TRIM34: variants seen among roughly 807,000 people sequenced by gnomAD.
The protein encoded by TRIM34 is tripartite motif containing 34.
TRIM34 carries 41 observed loss-of-function variants against 38.1 expected under a neutral mutation model. The ratio of observed to expected loss-of-function variants is 1.08; its 90% CI spans 0.84 to 1.40. The LOEUF (loss-of-function observed/expected upper bound fraction) is 1.40. Ranked by LOEUF, TRIM34 falls within the 40% of genes most tolerant of loss-of-function variation. The pLI, the probability that TRIM34 is intolerant of heterozygous loss-of-function variation, is 0.00. For synonymous variants in TRIM34, 200 were observed against 202.5 expected (o/e 0.99, Z 0.10); for missense variants, 556 against 571.4 (o/e 0.97, Z 0.27).
chr11:5,635,526 G>T (rs528805784), intron 4 of TRIM34, among the ~76,000 whole-genome samples: 3 of 152,054 alleles, frequency 2.0e-5, no homozygotes, highest in Non-Finnish European at 4.4e-5. Context: ...AAAATGCTGG[G>T]ATTACAGGCC....
intron 1 of TRIM34, 61 bp downstream of exon 1, chr11:5,625,121 G>C (rs548512812): frequency 1.3e-5 from 2 of 152,330 alleles, no homozygotes; most frequent in African/African-American, 4.8e-5. Context: ...AGTTCTCAGT[G>C]AAGTTAGGGG....
At chr11:5,629,916 C>T (rs1464199588) in intron 1 of TRIM34, among the ~76,000 whole-genome samples, 1 of 152,110 alleles carries the variant, frequency 6.6e-6, no homozygotes, top group African/African-American at 2.4e-5. Flanking sequence ...CCTTGTTAGC[C>T]AGGATGGTCT....
At position 5,634,630 on chromosome 11, in the gene TRIM34, G is replaced by C. The variant is rs764366244; in HGVS notation, c.520-1G>C. 29 of 1,610,248 alleles carry C rather than the reference G, an allele frequency of 1.8e-5. No individual in the cohort carries two copies. The South Asian group carries it at 3.1e-4, about 17-fold the overall frequency. ...CAACTCTCTCTTGTCCATCCTTGCA[G>C]TATCAGGTACAAACTGAGAGACAAA... On this transcript the variant is annotated splice_acceptor_variant, in intron 3 of 7. Coordinates refer to ENST00000429814, the MANE Select transcript of TRIM34 (RefSeq NM_021616.6). LOFTEE classifies it high-confidence loss of function.
chr11:5,623,236 C>A (rs1471502415), upstream of TRIM34, among the ~76,000 whole-genome samples: 1 of 149,546 alleles, frequency 6.7e-6, no homozygotes, highest in East Asian at 2.0e-4. Flanking sequence ...CCGAGATTTT[C>A]TTCCCTTTTA....
chr11:5,632,355 C>T lies in TRIM34; in HGVS notation c.24C>T (p.Asn8=), dbSNP rs764510596. 8.1e-6 allele frequency: 13 copies of T among 1,613,920 alleles called. No homozygotes were observed. The highest frequency in any genetic ancestry group is 2.7e-5 in the African/African-American group (2 of 74,876). Residue 8 remains asparagine (N), a synonymous_variant, in exon 2 of 8, where the codon AAC becomes AAT. Coordinates refer to ENST00000429814, the MANE Select transcript of TRIM34 (RefSeq NM_021616.6). ...CAATGGCTTCAAAAATCTTGCTTAA[C>T]GTACAAGAGGAGGTGACCTGTCCCA... MASKILL[N]VQEEVTCPIC... is the part of the protein sequence containing the mutation.
rs1280719880 is a variant in TRIM34 at position 5,632,406 on chromosome 11, CTT to C, written c.76_77del (p.Leu26GlufsTer40). On this transcript the variant is annotated frameshift_variant, in exon 2 of 8. Transcript: ENST00000429814. ...PICLELLTEP[L>X]SLDCGHSLCR... Reference sequence around the variant, plus strand: ...TCTGCCTGGAGCTGTTGACAGAACCCTTGAGTCTAGACTGTGGCCACAGCCTC... The same window carrying C: ...TCTGCCTGGAGCTGTTGACAGAACCCGAGTCTAGACTGTGGCCACAGCCTC... 1.2e-6 allele frequency: 2 copies of C among 1,613,896 alleles called. No homozygotes were observed. The highest frequency in any genetic ancestry group is 4.5e-5 in the East Asian group (2 of 44,864).
At chr11:5,636,395 A>G (rs781441607) in intron 4 of TRIM34, among the ~76,000 whole-genome samples, 22 of 152,354 alleles carry the variant, frequency 1.4e-4, no homozygotes, top group Non-Finnish European at 2.2e-4. Context: ...TAATTAGTGT[A>G]CAATTTCTAT....
chr11:5,642,930 C>G, intron 7 of TRIM34, 87 bp downstream of exon 7: 4 of 1,559,222 alleles, frequency 2.6e-6, no homozygotes, highest in Non-Finnish European at 3.5e-6. Flanking sequence ...ATCTTAGCCT[C>G]ATGCATTCTC....
intron 1 of TRIM34, among the ~76,000 whole-genome samples, chr11:5,627,480 T>C (rs1010310749): frequency 6.6e-6 from 1 of 152,130 alleles, no homozygotes; most frequent in Non-Finnish European, 1.5e-5. Context: ...GTTGAGGTGG[T>C]TGGAAACTAA....
intron 1 of TRIM34, among the ~76,000 whole-genome samples, chr11:5,626,260 A>G (rs961824113): frequency 6.6e-6 from 1 of 152,204 alleles, no homozygotes; most frequent in South Asian, 2.1e-4. Context: ...TTCAATAAAT[A>G]TGAAATATAC....
In TRIM34 at chr11:5,632,989, G is replaced by A. The variant is rs1342644503; in HGVS notation, c.423+235G>A. 5.4e-5 allele frequency among the ~76,000 whole-genome samples: 5 copies of A among 93,332 alleles called. No individual in the cohort carries two copies. The Admixed American group carries it at 7.2e-4, about 13-fold the overall frequency. The allele number at this position is 93,332 out of a possible 152,430, so 61.2% of individuals were successfully genotyped here. A position where few individuals can be genotyped will look rare whatever the true frequency, so the allele number is the denominator to read the frequency against. ...TTACAGGCGCCTGCCACCGCGCCTGGCTAATTTTTTTTTTTTTTTTTTGGA... is the reference window on the plus strand; with the variant it reads ...TTACAGGCGCCTGCCACCGCGCCTGACTAATTTTTTTTTTTTTTTTTTGGA... On this transcript the variant is annotated intron_variant, in intron 2 of 7. Coordinates refer to ENST00000429814, the MANE Select transcript of TRIM34 (RefSeq NM_021616.6).
chr11:5,641,373 A>G, intron 5 of TRIM34, 184 bp downstream of exon 5: 1 of 1,384,206 alleles, frequency 7.2e-7, no homozygotes, highest in Non-Finnish European at 9.5e-7. Context: ...AATGGACTCG[A>G]TCCTATGTTA....
At chr11:5,622,186 C>G (rs1245832522), upstream of TRIM34, among the ~76,000 whole-genome samples, 1 of 152,092 alleles carries the variant, frequency 6.6e-6, no homozygotes, top group African/African-American at 2.4e-5. Context: ...TGGCTCACAC[C>G]TGTAATCCCA....
At chr11:5,630,233 G>C (rs1322236498) in intron 1 of TRIM34, among the ~76,000 whole-genome samples, 1 of 152,050 alleles carries the variant, frequency 6.6e-6, no homozygotes, top group Non-Finnish European at 1.5e-5. Context: ...ATATACCAGG[G>C]GATGGTGATG....
chr11:5,636,958 A>C (rs1489279141), intron 4 of TRIM34, among the ~76,000 whole-genome samples: 3 of 152,300 alleles, frequency 2.0e-5, no homozygotes, highest in Non-Finnish European at 2.9e-5. Flanking sequence ...CATCCTGGCT[A>C]ACACAGTGAA....
chr11:5,641,998 A>G (rs1850034434), intron 5 of TRIM34, among the ~76,000 whole-genome samples: 1 of 152,178 alleles, frequency 6.6e-6, no homozygotes, highest in Admixed American at 6.5e-5. Flanking sequence ...TCTACAGCTC[A>G]GAATACCACA....
intron 5 of TRIM34, among the ~76,000 whole-genome samples, chr11:5,641,612 T>C (rs1850015645): frequency 6.6e-6 from 1 of 152,140 alleles, no homozygotes; most frequent in Admixed American, 6.5e-5. Flanking sequence ...TACTTAGAAA[T>C]AGAAGGTACC....
chr11:5,625,474 T>A, intron 1 of TRIM34, among the ~76,000 whole-genome samples: 1 of 151,944 alleles, frequency 6.6e-6, no homozygotes, highest in African/African-American at 2.4e-5. Context: ...TGAAAGGAGG[T>A]CTCTGTTTTC....
Position 5,634,530 on chromosome 11 carries a change from C to CACATAT in TRIM34, c.520-100_520-99insCATATA, listed in dbSNP as rs1491498839. The CACATAT allele has an allele frequency of 1.7e-4, 45 of 262,004 alleles. 1 individual carries two copies. The highest frequency in any genetic ancestry group is 1.2e-3 in the African/African-American group (36 of 30,392). 16.2% of individuals were successfully genotyped at this position (262,004 alleles called of 1,614,324 possible). A position where few individuals can be genotyped will look rare whatever the true frequency, so the allele number is the denominator to read the frequency against. On this transcript the variant is annotated intron_variant, in intron 3 of 7. Coordinates refer to ENST00000429814, the MANE Select transcript of TRIM34 (RefSeq NM_021616.6). ...ACACACACACACACACACACACACA[C>CACATAT]ATATATATATATATATATTTCCCTA...
Sources: gnomAD v4.1 joint callset for allele counts (sites outside exome capture counted in the v4.1 genomes callset) on GRCh38, gnomAD v4.1.1 for gene constraint, MANE v1.5 for transcripts, NCBI Gene and HGNC (gene_info 2026-07-23, HGNC 2026-07-21) for gene names.